The following STK4 variants were observed in gnomAD, a reference collection of about 807,000 sequenced individuals.
STK4 encodes the protein serine/threonine kinase 4.
A neutral mutation model predicts 64.9 loss-of-function variants in STK4; 30 were observed. That is an observed-to-expected ratio of 0.46 (90% CI 0.35 to 0.63). The LOEUF is 0.63. Among genes scored for constraint, STK4 ranks in the 20% least tolerant of loss-of-function variants. STK4 has a pLI of 0.01. For missense variants in STK4, 466 were observed against 598.5 expected, an observed-to-expected ratio of 0.78 and a Z score of 2.31; for synonymous variants, 177 against 199.0, an observed-to-expected ratio of 0.89 and a Z score of 0.93.
chr20:45,063,485 T>C (rs1319722040), intron 10 of STK4, among the ~76,000 whole-genome samples: 1 of 152,234 alleles, frequency 6.6e-6, no homozygotes, highest in African/African-American at 2.4e-5. Context: ...GGATTCTGGA[T>C]ATTAGATCTT....
chr20:45,023,247 G>A lies in STK4; in HGVS notation c.1148-1726G>A, dbSNP rs150650824. 8.5e-5 allele frequency among the ~76,000 whole-genome samples: 13 copies of A among 152,290 alleles called. No homozygotes were observed. The East Asian group carries it at 2.5e-3, about 29-fold the overall frequency. ...TAATTAGTGAGGAGAAAACAGTGTA[G>A]TAGGAAACCATTGGCAGTCTGTGGA... On this transcript the variant is annotated intron_variant, in intron 9 of 10. Coordinates refer to ENST00000372806, the MANE Select transcript of STK4 (RefSeq NM_006282.5).
intron 1 of STK4, among the ~76,000 whole-genome samples, chr20:44,970,923 A>T (rs1473786101): frequency 7.0e-6 from 1 of 142,048 alleles, no homozygotes; most frequent in Non-Finnish European, 1.5e-5. Context: ...ATGTGTGTGT[A>T]TTTAAGTCTT....
At chr20:45,010,044 G>T (rs890375788) in intron 9 of STK4, among the ~76,000 whole-genome samples, 1 of 151,952 alleles carries the variant, frequency 6.6e-6, no homozygotes, top group African/African-American at 2.4e-5. Flanking sequence ...GGTTGTTCTG[G>T]CTAGGACTTC....
Position 45,000,348 on chromosome 20 carries a change from C to T in STK4, c.832-44C>T, listed in dbSNP as rs779367487. ...GTTCCAGGTACTGTTTTGGCACTGT[C>T]ACCATATAAACTGTCTCCAGTATTT... On this transcript the variant is annotated intron_variant, in intron 7 of 10. Transcript: ENST00000372806. 9.4e-6 allele frequency: 15 copies of T among 1,589,634 alleles called. 1 individual carries two copies. In the East Asian group the frequency reaches 2.7e-4, roughly 29 times the overall value.
intron 5 of STK4, among the ~76,000 whole-genome samples, chr20:44,988,479 C>G (rs1478894439): frequency 7.0e-6 from 1 of 143,124 alleles, no homozygotes. Context: ...GAGACCCCAT[C>G]TCAAAAAAAA....
intron 9 of STK4, among the ~76,000 whole-genome samples, chr20:45,023,885 A>G (rs2068293853): frequency 6.7e-6 from 1 of 149,990 alleles, no homozygotes; most frequent in South Asian, 2.1e-4. Flanking sequence ...TACCTGTTCA[A>G]TACTAACTTC....
intron 10 of STK4, among the ~76,000 whole-genome samples, chr20:45,042,414 A>T (rs2068628323): frequency 6.6e-6 from 1 of 152,120 alleles, no homozygotes; most frequent in African/African-American, 2.4e-5. Context: ...CTTGAAAGTG[A>T]TATTTGCTTA....
chr20:45,019,645 A>G (rs2068207957), intron 9 of STK4, among the ~76,000 whole-genome samples: 1 of 152,224 alleles, frequency 6.6e-6, no homozygotes, highest in Non-Finnish European at 1.5e-5. Context: ...GGCATCAGAT[A>G]AAAGAATCAG....
chr20:45,054,722 G>A (rs1201531967), intron 10 of STK4, among the ~76,000 whole-genome samples: 1 of 152,018 alleles, frequency 6.6e-6, no homozygotes, highest in Non-Finnish European at 1.5e-5. Context: ...GTAGCACTGG[G>A]TTAATAATTA....
intron 9 of STK4, among the ~76,000 whole-genome samples, chr20:45,014,191 G>A (rs1169592565): frequency 1.3e-5 from 2 of 152,002 alleles, no homozygotes; most frequent in Admixed American, 6.6e-5. Context: ...TTGGGAGGCC[G>A]AGGTGGGTGG....
rs549039264 is a variant in STK4, at chr20:45,014,995, A to T, written c.1148-9978A>T. On this transcript the variant is annotated intron_variant, in intron 9 of 10. Transcript: ENST00000372806. The stretch of plus-strand genomic sequence containing the variant: ...TTTCTCCCAGAGCAACAGCCACATT[A>T]ATCTCTTTGAAACAGAATTTTAAAG... Among the ~76,000 whole-genome samples, 26 of 152,350 alleles carry T rather than the reference A, an allele frequency of 1.7e-4. No individual in the cohort carries two copies. In the East Asian group the frequency reaches 4.8e-3, roughly 28 times the overall value.
chr20:44,988,521 A>ATGTGTGTGTG, intron 5 of STK4, among the ~76,000 whole-genome samples: 1 of 83,144 alleles, frequency 1.2e-5, no homozygotes, highest in Admixed American at 1.2e-4. Context: ...GTGTGTATAT[A>ATGTGTGTGTG]TATGTGTGTG....
intron 10 of STK4, among the ~76,000 whole-genome samples, chr20:45,050,899 A>G (rs2145437787): frequency 6.6e-6 from 1 of 152,168 alleles, no homozygotes; most frequent in Middle Eastern, 3.4e-3. Flanking sequence ...TCAATATTTA[A>G]TCTATCATGT....
intron 10 of STK4, among the ~76,000 whole-genome samples, chr20:45,042,141 G>A (rs2068623510): frequency 6.6e-6 from 1 of 152,162 alleles, no homozygotes; most frequent in African/African-American, 2.4e-5. Context: ...TGAGATGAAT[G>A]TATTTTTCTT....
In STK4 at chr20:45,079,233, A is replaced by G. The variant is rs1028376166; in HGVS notation, c.*4057A>G. Reference sequence around the variant, plus strand: ...CCCGTCTCAAAAAAAAAGAAGAAGTAGATAATCTGAATAGCCCTATATCTA... The same window carrying G: ...CCCGTCTCAAAAAAAAAGAAGAAGTGGATAATCTGAATAGCCCTATATCTA... On this transcript the variant is annotated 3_prime_UTR_variant, in exon 11 of 11. Transcript: ENST00000372806. The G allele has an allele frequency of 2.4e-4, 36 of 152,160 alleles. 1 individual carries two copies. Among genetic ancestry groups the G allele is most frequent in the African/African-American group, 8.7e-4 (36 of 41,412 alleles). 9.4% of individuals were successfully genotyped at this position (152,160 alleles called of 1,614,324 possible).
intron 10 of STK4, among the ~76,000 whole-genome samples, chr20:45,068,839 G>GA: frequency 6.6e-6 from 1 of 152,288 alleles, no homozygotes; most frequent in South Asian, 2.1e-4. Context: ...GATGCAAATG[G>GA]TGAAGTAATT....
intron 1 of STK4, among the ~76,000 whole-genome samples, chr20:44,968,920 A>G (rs144873593): frequency 1.3e-5 from 2 of 152,248 alleles, no homozygotes; most frequent in African/African-American, 4.8e-5. Flanking sequence ...AGCAACGTAA[A>G]TTTATTCTCT....
chr20:44,970,338 G>A (rs1162489572), intron 1 of STK4, among the ~76,000 whole-genome samples: 1 of 152,112 alleles, frequency 6.6e-6, no homozygotes, highest in Non-Finnish European at 1.5e-5. Context: ...GGTCCCTGAA[G>A]TAGTTGAAAT....
chr20:44,972,404 T>G, intron 2 of STK4: 1 of 361,582 alleles, frequency 2.8e-6, no homozygotes, highest in Non-Finnish European at 5.0e-6. Flanking sequence ...TTTTATCTAC[T>G]TAACAGATAG....
Sources: gnomAD v4.1 joint callset for allele counts (sites outside exome capture counted in the v4.1 genomes callset) on GRCh38, gnomAD v4.1.1 for gene constraint, MANE v1.5 for transcripts, NCBI Gene and HGNC (gene_info 2026-07-23, HGNC 2026-07-21) for gene names.